Variants in CDH18 observed in about 807,000 individuals in gnomAD.
CDH18 encodes the protein cadherin 18.
CDH18 carries 31 observed loss-of-function variants against 67.9 expected under a neutral mutation model. That is an observed-to-expected ratio of 0.46 (90% CI 0.34 to 0.62). The LOEUF is 0.62. Among genes scored for constraint, CDH18 ranks in the 20% least tolerant of loss-of-function variants. The pLI, the probability that CDH18 is intolerant of heterozygous loss-of-function variation, is 0.01. For synonymous variants in CDH18, 362 were observed against 347.2 expected, an observed-to-expected ratio of 1.04 and a Z score of -0.48; for missense variants, 890 against 975.5, an observed-to-expected ratio of 0.91 and a Z score of 1.17.
At chr5:20,096,093 A>C (rs2150569576) in intron 2 of CDH18, among the ~76,000 whole-genome samples, 1 of 152,234 alleles carries the variant, frequency 6.6e-6, no homozygotes, top group East Asian at 1.9e-4. Context: ...TTTAAGAGAT[A>C]TTGACTAAAA....
chr5:19,818,541 G>A (rs1346790180), intron 3 of CDH18, among the ~76,000 whole-genome samples: 1 of 152,086 alleles, frequency 6.6e-6, no homozygotes, highest in African/African-American at 2.4e-5. Flanking sequence ...CTTCATTTAA[G>A]GATGGAAATA....
chr5:19,482,011 G>T (rs1315793496), intron 12 of CDH18, among the ~76,000 whole-genome samples: 2 of 152,058 alleles, frequency 1.3e-5, no homozygotes, highest in Non-Finnish European at 2.9e-5. Context: ...TCTTCATGCG[G>T]CTGTGAAAAG....
chr5:19,844,512 C>T (rs1000497305), intron 2 of CDH18, among the ~76,000 whole-genome samples: 1 of 152,172 alleles, frequency 6.6e-6, no homozygotes, highest in African/African-American at 2.4e-5. Context: ...TCAATTAAAT[C>T]TCTCTCTTCT....
chr5:20,449,498 T>C (rs1018163202), intron 1 of CDH18, among the ~76,000 whole-genome samples: 21 of 152,102 alleles, frequency 1.4e-4, no homozygotes, highest in African/African-American at 4.8e-4. Context: ...TTCAATTTAA[T>C]AACATCTCCC....
intron 2 of CDH18, among the ~76,000 whole-genome samples, chr5:19,845,942 G>A (rs895367236): frequency 6.6e-6 from 1 of 151,692 alleles, no homozygotes; most frequent in Admixed American, 6.6e-5. Context: ...TATAATGTGA[G>A]CTTATTTTTA....
At chr5:20,486,760 T>C (rs1456284389) in intron 1 of CDH18, among the ~76,000 whole-genome samples, 1 of 151,500 alleles carries the variant, frequency 6.6e-6, no homozygotes, top group Non-Finnish European at 1.5e-5. Flanking sequence ...AATTAAATAG[T>C]AAAGAGATGA....
At chr5:20,557,002 T>G (rs933792331) in intron 1 of CDH18, among the ~76,000 whole-genome samples, 1 of 152,184 alleles carries the variant, frequency 6.6e-6, no homozygotes, top group African/African-American at 2.4e-5. Flanking sequence ...ATTACCATAT[T>G]TCTTTGAAGC....
intron 6 of CDH18, among the ~76,000 whole-genome samples, chr5:19,608,272 T>C (rs1489877009): frequency 6.6e-6 from 1 of 151,664 alleles, no homozygotes; most frequent in African/African-American, 2.4e-5. Context: ...TCAAAACGTT[T>C]CAAAATATAT....
chr5:19,748,639 A>C (rs1033724800), intron 3 of CDH18, among the ~76,000 whole-genome samples: 1 of 152,282 alleles, frequency 6.6e-6, no homozygotes, highest in African/African-American at 2.4e-5. Context: ...AGAAACATTG[A>C]AAAAACACAA....
At chr5:19,884,549 T>C (rs955915561) in intron 2 of CDH18, among the ~76,000 whole-genome samples, 1 of 151,918 alleles carries the variant, frequency 6.6e-6, no homozygotes, top group Non-Finnish European at 1.5e-5. Flanking sequence ...TATATAAGTA[T>C]ATTGTACAAT....
chr5:20,146,396 A>G (rs1750646273), intron 2 of CDH18, among the ~76,000 whole-genome samples: 1 of 152,078 alleles, frequency 6.6e-6, no homozygotes, highest in East Asian at 1.9e-4. Context: ...AGAGAAAGGA[A>G]CGCTAAGGTC....
At chr5:19,902,527 T>G (rs969984603) in intron 2 of CDH18, among the ~76,000 whole-genome samples, 3 of 151,470 alleles carry the variant, frequency 2.0e-5, no homozygotes, top group Admixed American at 2.0e-4. Flanking sequence ...ACCGTGTGAG[T>G]GTACTTGGAA....
intron 1 of CDH18, among the ~76,000 whole-genome samples, chr5:20,268,939 C>T (rs1745240303): frequency 6.6e-6 from 1 of 152,112 alleles, no homozygotes; most frequent in African/African-American, 2.4e-5. Context: ...GAAGAGACAA[C>T]CTGTTGAATG....
At chr5:20,377,441 A>T (rs1450906619) in intron 1 of CDH18, among the ~76,000 whole-genome samples, 1 of 152,206 alleles carries the variant, frequency 6.6e-6, no homozygotes, top group African/African-American at 2.4e-5. Flanking sequence ...CTTAGTACAG[A>T]GACATCCCTT....
intron 4 of CDH18, among the ~76,000 whole-genome samples, chr5:19,726,318 G>C (rs1766836759): frequency 2.6e-5 from 4 of 152,186 alleles, no homozygotes; most frequent in Admixed American, 2.6e-4. Context: ...TGATCCAAAA[G>C]AATGGTCATT....
chr5:20,435,687 G>T (rs1749115765), intron 1 of CDH18, among the ~76,000 whole-genome samples: 1 of 151,982 alleles, frequency 6.6e-6, no homozygotes, highest in Non-Finnish European at 1.5e-5. Context: ...AAATAGCTTA[G>T]CCTGCCACCT....
At chr5:20,469,508 A>AC (rs1314001913) in intron 1 of CDH18, among the ~76,000 whole-genome samples, 2 of 152,100 alleles carry the variant, frequency 1.3e-5, no homozygotes, top group Non-Finnish European at 2.9e-5. Context: ...TCTTTCTTCA[A>AC]CCTTTTCACT....
At chr5:19,527,641 G>A (rs970304168) in intron 9 of CDH18, among the ~76,000 whole-genome samples, 3 of 151,852 alleles carry the variant, frequency 2.0e-5, no homozygotes, top group Admixed American at 2.0e-4. Flanking sequence ...TTTAAGGTCT[G>A]TTATTTCATA....
At chr5:20,123,330 A>G (rs1748527663) in intron 2 of CDH18, among the ~76,000 whole-genome samples, 2 of 152,104 alleles carry the variant, frequency 1.3e-5, no homozygotes, top group Admixed American at 1.3e-4. Context: ...GCACCCCAGG[A>G]GAACGCTGGA....
Sources: gnomAD v4.1 joint callset for allele counts (sites outside exome capture counted in the v4.1 genomes callset) on GRCh38, gnomAD v4.1.1 for gene constraint, MANE v1.5 for transcripts, NCBI Gene and HGNC (gene_info 2026-07-23, HGNC 2026-07-21) for gene names.